MYO10: variants seen among roughly 807,000 people sequenced by gnomAD.
The protein encoded by MYO10 is unconventional myosin-X.
Under a neutral mutation model 257.3 loss-of-function variants are expected in MYO10, and 133 were observed. The observed-to-expected ratio is 0.52, with a 90% CI of 0.45 to 0.60. The LOEUF is 0.60. Among genes scored for constraint, MYO10 ranks in the 20% least tolerant of loss-of-function variants. The probability of loss-of-function intolerance (pLI) is 0.00; values close to 1 mark genes in which losing one functional copy is unlikely to be tolerated. For synonymous variants in MYO10, 1,104 were observed against 1,028.6 expected (o/e 1.07, Z -1.40); for missense variants, 2,399 against 2,635.7 (o/e 0.91, Z 1.97).
rs1738133837 is a variant in MYO10 at position 16,702,583 on chromosome 5, C to T, written c.2516G>A (p.Arg839Lys). ...CTCGGCTTCTCTTCGCTCTCTCTCT[C>T]TTTCTCTAAAAATAGTAAAGGAAAA... ...KKKREEEERE[R>K]ERERREAELR... is the part of the protein sequence containing the mutation. Residue 839 changes from arginine (R) to lysine (K), a missense_variant, in exon 24 of 41, where the codon AGA becomes AAA. Physicochemically the swap from Arg to Lys is conservative, Grantham distance 26 (BLOSUM62 2). Around this residue, in one of 3 missense-constraint regions of MYO10, gnomAD observed 1,820 missense variants for 1,939.4 expected, o/e 0.94. Coordinates refer to ENST00000513610, the MANE Select transcript of MYO10 (RefSeq NM_012334.3). 1.3e-6 allele frequency: 2 copies of T among 1,581,808 alleles called. No homozygotes were observed. Among genetic ancestry groups the T allele is most frequent in the African/African-American group, 2.7e-5 (2 of 74,454 alleles).
chr5:16,778,780 TC>T (rs1741311068), intron 9 of MYO10, among the ~76,000 whole-genome samples: 1 of 140,644 alleles, frequency 7.1e-6, no homozygotes, highest in Non-Finnish European at 1.5e-5. Flanking sequence ...AAGCTCCGCC[TC>T]CCGGGTTCAC....
At chr5:16,875,234 C>T (rs2560853) in intron 2 of MYO10, among the ~76,000 whole-genome samples, 16,029 of 152,148 alleles carry the variant, frequency 0.11, 1,340 homozygotes, top group African/African-American at 0.23. Flanking sequence ...AAACGAATGA[C>T]ACTGTTTAGA....
chr5:16,848,330 T>C (rs560069300), intron 2 of MYO10, among the ~76,000 whole-genome samples: 15 of 152,060 alleles, frequency 9.9e-5, no homozygotes, highest in Non-Finnish European at 2.1e-4. Context: ...AGCTAATTTT[T>C]GTTATTTTTA....
At chr5:16,896,271 C>A (rs1409746380) in intron 1 of MYO10, among the ~76,000 whole-genome samples, 4 of 152,012 alleles carry the variant, frequency 2.6e-5, no homozygotes, top group Admixed American at 6.6e-5. Flanking sequence ...CCAGCCTGGA[C>A]AATACTGTGA....
In MYO10 at chr5:16,737,922, T is replaced by C. The variant is rs73755170; in HGVS notation, c.1929+16906A>G. Among the ~76,000 whole-genome samples, 341 of 152,322 alleles carry C rather than the reference T, an allele frequency of 2.2e-3. 5 individuals are homozygous for C. Among genetic ancestry groups the C allele is most frequent in the African/African-American group, 8.0e-3 (332 of 41,570 alleles). On this transcript the variant is annotated intron_variant, in intron 19 of 40. Transcript: ENST00000513610. Reference sequence around the variant, plus strand: ...GGAAAAGGGTTAAGCAAGAATCATCTGTTTGAGATAGCTGACGCGGAAGGA... The same window carrying C: ...GGAAAAGGGTTAAGCAAGAATCATCCGTTTGAGATAGCTGACGCGGAAGGA...
chr5:16,768,922 C>A (rs950426595), intron 10 of MYO10, among the ~76,000 whole-genome samples, 152 bp downstream of exon 10: 1 of 151,930 alleles, frequency 6.6e-6, no homozygotes, highest in Non-Finnish European at 1.5e-5. Context: ...GCAATCTGCC[C>A]GCCTCCACCT....
chr5:16,899,362 C>T (rs999944744), intron 1 of MYO10, among the ~76,000 whole-genome samples: 7 of 151,666 alleles, frequency 4.6e-5, no homozygotes, highest in African/African-American at 1.7e-4. Context: ...TGGCTGGGCG[C>T]GATGACTCAC....
intron 1 of MYO10, among the ~76,000 whole-genome samples, chr5:16,929,378 G>A (rs1746235061): frequency 6.6e-6 from 1 of 152,074 alleles, no homozygotes; most frequent in East Asian, 1.9e-4. Context: ...TTTAATAACT[G>A]CCCACTTTTA....
rs759438939 is a variant in MYO10 at position 16,701,101 on chromosome 5, G to A, written c.3294C>T (p.Asp1098=). 1.8e-5 allele frequency: 29 copies of A among 1,588,236 alleles called. No homozygotes were observed. In the East Asian group the frequency reaches 4.6e-4, roughly 25 times the overall value. Residue 1098 remains aspartate, a synonymous_variant, in exon 25 of 41, where the codon GAC becomes GAT. Coordinates refer to ENST00000513610, the MANE Select transcript of MYO10 (RefSeq NM_012334.3). The surrounding 1 kb of genome is among the most constrained non-coding windows in gnomAD (Gnocchi z 8.1). Reference sequence around the variant, plus strand: ...CGCTGCTGCCGGAAGTGATGGCACCGTCCTCATAGTCATCCTGGTCGTAGT... The same window carrying A: ...CGCTGCTGCCGGAAGTGATGGCACCATCCTCATAGTCATCCTGGTCGTAGT... ...DYDYDQDDYE[D]GAITSGSSVT...
chr5:16,778,985 T>C (rs996426835), intron 9 of MYO10, among the ~76,000 whole-genome samples: 11 of 152,110 alleles, frequency 7.2e-5, no homozygotes, highest in South Asian at 4.2e-4. Context: ...CCACCGCGCC[T>C]GGCCATCTTC....
At chr5:16,830,837 T>A (rs1743144107) in intron 2 of MYO10, among the ~76,000 whole-genome samples, 2 of 152,168 alleles carry the variant, frequency 1.3e-5, no homozygotes, top group South Asian at 4.1e-4. Context: ...GTGATTCTAT[T>A]CATAGAATAT....
intron 2 of MYO10, among the ~76,000 whole-genome samples, chr5:16,832,800 A>C (rs1341728086): frequency 6.6e-6 from 1 of 152,030 alleles, no homozygotes; most frequent in African/African-American, 2.4e-5. Flanking sequence ...CAAAACAAAA[A>C]CTGACCTCGG....
chr5:16,883,668 T>G (rs1383417690), intron 1 of MYO10, among the ~76,000 whole-genome samples: 1 of 152,172 alleles, frequency 6.6e-6, no homozygotes, highest in African/African-American at 2.4e-5. Flanking sequence ...CCTAAAATAT[T>G]GACACACAAA....
At chr5:16,704,267 A>G (rs1738228437) in intron 22 of MYO10, among the ~76,000 whole-genome samples, 1 of 152,128 alleles carries the variant, frequency 6.6e-6, no homozygotes, top group Admixed American at 6.6e-5. Context: ...CAAGGCTGCA[A>G]TAAGCCATGA....
intron 28 of MYO10, among the ~76,000 whole-genome samples, chr5:16,686,843 T>G (rs1350658166): frequency 6.6e-6 from 1 of 152,192 alleles, no homozygotes; most frequent in Non-Finnish European, 1.5e-5. Flanking sequence ...TCTATTTTTG[T>G]TATGTATTCC....
rs1561000458 is a variant in MYO10, at chr5:16,818,096, GC to G, written c.191del (p.Gly64AlafsTer8). ...CTGTCAAGGACGCCATGTCATCCAC[GC>G]CCTCCTCGTTCGTGGGGTGCATAGC... Reference protein sequence around the residue: ...VTAMHPTNEEGVDDMASLTEL... With the variant: ...VTAMHPTNEEXVDDMASLTEL... On this transcript the variant is annotated frameshift_variant, in exon 3 of 41. Coordinates refer to ENST00000513610, the MANE Select transcript of MYO10 (RefSeq NM_012334.3). LOFTEE classifies it high-confidence loss of function. 6.2e-7 allele frequency: 1 copy of G among 1,611,870 alleles called. No individual in the cohort carries two copies.
chr5:16,781,670 A>G, intron 6 of MYO10, 35 bp downstream of exon 6: 14 of 1,587,424 alleles, frequency 8.8e-6, no homozygotes, highest in Non-Finnish European at 1.2e-5. Context: ...TTAGAGAATC[A>G]ATTACTATAG....
intron 1 of MYO10, among the ~76,000 whole-genome samples, chr5:16,913,174 G>GAAAA (rs5866220): frequency 6.6e-6 from 1 of 150,996 alleles, no homozygotes; most frequent in Non-Finnish European, 1.5e-5. Context: ...GGTTATAGAG[G>GAAAA]AAAAAAAAAT....
chr5:16,857,858 G>A (rs1744003657), intron 2 of MYO10, among the ~76,000 whole-genome samples: 1 of 152,180 alleles, frequency 6.6e-6, no homozygotes, highest in Non-Finnish European at 1.5e-5. Context: ...GTGGCATAGT[G>A]GCCCAGGAAT....
Sources: gnomAD v4.1 joint callset for allele counts (sites outside exome capture counted in the v4.1 genomes callset) on GRCh38, gnomAD v4.1.1 for gene constraint, gnomAD v4.1.1 regional missense constraint, Gnocchi (gnomAD v3.1) non-coding constraint, MANE v1.5 for transcripts, NCBI Gene and HGNC (gene_info 2026-07-23, HGNC 2026-07-21) for gene names.